The following C2CD5 variants were observed in gnomAD, a reference collection of about 807,000 sequenced individuals.
The protein encoded by C2CD5 is C2 domain-containing protein 5.
A neutral mutation model predicts 130.3 loss-of-function variants in C2CD5; 109 were observed. The ratio of observed to expected loss-of-function variants is 0.84; its 90% CI spans 0.72 to 0.98. The LOEUF is 0.98. C2CD5 is among the 50% of genes least tolerant of loss of function. The pLI, the probability that C2CD5 is intolerant of heterozygous loss-of-function variation, is 0.00. For synonymous variants in C2CD5, 454 were observed against 429.2 expected, an observed-to-expected ratio of 1.06 and a Z score of -0.71; for missense variants, 996 against 1,261.8, an observed-to-expected ratio of 0.79 and a Z score of 3.19.
intron 8 of C2CD5, chr12:22,514,947 A>T (rs1312088032): frequency 9.2e-6 from 9 of 982,510 alleles, no homozygotes; most frequent in Non-Finnish European, 8.5e-6. Context: ...AGCTGACATA[A>T]TGTGATCCTA....
Position 22,494,117 on chromosome 12 carries a change from A to G in C2CD5, c.1148-780T>C, listed in dbSNP as rs375488341. Among the ~76,000 whole-genome samples, 7 of 152,190 alleles carry G rather than the reference A, an allele frequency of 4.6e-5. No individual in the cohort carries two copies. In the East Asian group the frequency reaches 1.2e-3, roughly 25 times the overall value. On this transcript the variant is annotated intron_variant, in intron 10 of 26. Transcript: ENST00000446597. ...CATCTGTCATACATATTTCCTAATC[A>G]CTTGCATTTAGCTGCAAACTACTGG...
Position 22,535,247 on chromosome 12 carries a change from T to C in C2CD5, c.177+11A>G, listed in dbSNP as rs746809178. ...AAATACACTCAAAAATGCTGACATTTAAAAACTTACCTCAAATTTAAACCA... is the reference window on the plus strand; with the variant it reads ...AAATACACTCAAAAATGCTGACATTCAAAAACTTACCTCAAATTTAAACCA... On this transcript the variant is annotated intron_variant, in intron 3 of 26. Transcript: ENST00000446597. 2.6e-5 allele frequency: 39 copies of C among 1,505,580 alleles called. No individual in the cohort carries two copies. The highest frequency in any genetic ancestry group is 3.5e-5 in the Non-Finnish European group (38 of 1,083,694). The allele number at this position is 1,505,580 out of a possible 1,614,324, so 93.3% of individuals were successfully genotyped here.
At chr12:22,508,386 A>C (rs1028987813) in intron 9 of C2CD5, among the ~76,000 whole-genome samples, 4 of 152,152 alleles carry the variant, frequency 2.6e-5, no homozygotes, top group African/African-American at 9.7e-5. Flanking sequence ...ACTTATAATA[A>C]ATGTATTATA....
chr12:22,503,579 C>T (rs1011863004), intron 10 of C2CD5, among the ~76,000 whole-genome samples: 2 of 152,036 alleles, frequency 1.3e-5, no homozygotes, highest in African/African-American at 2.4e-5. Context: ...GGCATGATCT[C>T]GGCTTACTGC....
chr12:22,455,010 C>T (rs755021044), intron 25 of C2CD5, among the ~76,000 whole-genome samples: 6 of 152,086 alleles, frequency 3.9e-5, no homozygotes, highest in Non-Finnish European at 5.9e-5. Context: ...TCCACAAATT[C>T]TATTGGACTT....
chr12:22,469,572 G>C (rs1441955312), intron 22 of C2CD5, 137 bp downstream of exon 22: 5 of 493,260 alleles, frequency 1.0e-5, no homozygotes, highest in Non-Finnish European at 1.8e-5. Flanking sequence ...TCCCCTTTAT[G>C]AATATGAAGA....
chr12:22,512,311 T>C (rs1282529833), intron 9 of C2CD5, among the ~76,000 whole-genome samples: 1 of 152,248 alleles, frequency 6.6e-6, no homozygotes. Context: ...TACAGGTATT[T>C]ACTCTTTCAC....
intron 8 of C2CD5, among the ~76,000 whole-genome samples, chr12:22,515,830 T>C (rs1049480220): frequency 6.6e-6 from 1 of 151,876 alleles, no homozygotes; most frequent in African/African-American, 2.4e-5. Context: ...ATAAAAACTA[T>C]ACATAGTTAA....
At chr12:22,470,957 A>C in intron 20 of C2CD5, 46 bp from the exon 21 acceptor site, 1 of 1,337,644 alleles carries the variant, frequency 7.5e-7, no homozygotes, top group Non-Finnish European at 1.1e-6. Context: ...ATCACTGCCA[A>C]AACTAAGTTT....
chr12:22,540,296 A>G (rs1269165475), intron 2 of C2CD5, among the ~76,000 whole-genome samples: 2 of 152,194 alleles, frequency 1.3e-5, no homozygotes, highest in Non-Finnish European at 2.9e-5. Context: ...TATTTTCTCC[A>G]TATATTATTC....
intron 11 of C2CD5, among the ~76,000 whole-genome samples, chr12:22,492,114 C>T (rs574667649): frequency 7.9e-5 from 12 of 152,160 alleles, no homozygotes; most frequent in South Asian, 4.2e-4. Flanking sequence ...CTGTAATGAC[C>T]ACATTTACTA....
chr12:22,450,503 C>T lies in C2CD5; in HGVS notation c.3025-612G>A, dbSNP rs1355435451. Among the ~76,000 whole-genome samples, 3 of 152,128 alleles carry T rather than the reference C, an allele frequency of 2.0e-5. No homozygotes were observed. In the East Asian group the frequency reaches 5.8e-4, roughly 29 times the overall value. On this transcript the variant is annotated intron_variant, in intron 26 of 26. Transcript: ENST00000446597. ...TATGGAAGTGAAAAATGACCTAAAG[C>T]TCAATCAATATGGGTAAATCTTATG...
At chr12:22,529,732 G>C (rs146253741) in intron 3 of C2CD5, among the ~76,000 whole-genome samples, 6 of 152,064 alleles carry the variant, frequency 3.9e-5, no homozygotes, top group Non-Finnish European at 5.9e-5. Context: ...TGTGATACAA[G>C]CATAAATCAT....
Position 22,472,304 on chromosome 12 carries a change from A to G in C2CD5, c.2151T>C (p.Asn717=), listed in dbSNP as rs16924983. 2,605 of 1,517,672 alleles carry G rather than the reference A, an allele frequency of 1.7e-3. 49 individuals are homozygous for G. The East Asian group carries it at 0.044, about 26-fold the overall frequency. 94.0% of individuals were successfully genotyped at this position (1,517,672 alleles called of 1,614,324 possible). A position where few individuals can be genotyped will look rare whatever the true frequency, so the allele number is the denominator to read the frequency against. The change falls in exon 18 of 27, where the codon AAT becomes AAC. Residue 717 remains asparagine, a synonymous_variant. Transcript: ENST00000446597. The stretch of plus-strand genomic sequence containing the variant: ...GGTTTACCTGTATTTCAGAGGTCCA[A>G]TTATTTATACCGGGCATAATTTCTG... ...CNTEIMPGIN[N]WTSEIQMFTS...
intron 8 of C2CD5, 91 bp downstream of exon 8, chr12:22,517,895 A>C (rs1458456253): frequency 1.8e-6 from 2 of 1,120,026 alleles, no homozygotes; most frequent in African/African-American, 1.6e-5. Flanking sequence ...AAGTGCCAAA[A>C]ACAAGAGGAA....
chr12:22,525,565 A>G (rs1267937471), intron 5 of C2CD5, 45 bp downstream of exon 5: 3 of 898,544 alleles, frequency 3.3e-6, no homozygotes, highest in Non-Finnish European at 5.6e-6. Context: ...CTCATATTTA[A>G]CAGTTATTAC....
chr12:22,462,926 A>AAAAAGAT (rs1481905063), intron 22 of C2CD5, among the ~76,000 whole-genome samples: 4 of 152,068 alleles, frequency 2.6e-5, no homozygotes, highest in African/African-American at 9.7e-5. Context: ...ATCACTACAA[A>AAAAAGAT]AAAAGATAAA....
At chr12:22,516,663 CAATA>C (rs918347765) in intron 8 of C2CD5, among the ~76,000 whole-genome samples, 2 of 150,536 alleles carry the variant, frequency 1.3e-5, no homozygotes, top group Admixed American at 6.6e-5. Flanking sequence ...ATAATAATAA[CAATA>C]AATAAATAAA....
chr12:22,494,953 C>T (rs2136502098), intron 10 of C2CD5, among the ~76,000 whole-genome samples: 1 of 152,108 alleles, frequency 6.6e-6, no homozygotes, highest in South Asian at 2.1e-4. Flanking sequence ...TAACATCATC[C>T]TTTCCTAAAA....
Sources: allele counts gnomAD v4.1 joint callset (sites outside exome capture counted in the v4.1 genomes callset), GRCh38; gene constraint gnomAD v4.1.1; transcripts MANE v1.5; gene names NCBI Gene and HGNC (gene_info 2026-07-23, HGNC 2026-07-21).